Variants in TENM3 observed in about 807,000 individuals in gnomAD.
The protein encoded by TENM3 is teneurin-3.
Under a neutral mutation model 255.1 loss-of-function variants are expected in TENM3, and 63 were observed. The observed-to-expected ratio is 0.25, with a 90% CI of 0.20 to 0.30. TENM3 has a LOEUF of 0.30. Ranked by LOEUF, TENM3 falls within the 10% of genes least tolerant of loss-of-function variation. The pLI is 1.00. For synonymous variants in TENM3, 1,306 were observed against 1,322.3 expected (o/e 0.99, Z 0.27); for missense variants, 2,929 against 3,461.1 (o/e 0.85, Z 3.86).
At chr4:182,645,257 T>A (rs1334349465) in intron 5 of TENM3, among the ~76,000 whole-genome samples, 1 of 152,036 alleles carries the variant, frequency 6.6e-6, no homozygotes, top group Admixed American at 6.5e-5. Context: ...GATTTCTAGG[T>A]AGGTCTAGTA....
Position 182,802,126 on chromosome 4 carries a change from CAG to C in TENM3, c.*1777_*1778del, listed in dbSNP as rs780840199. 1.3e-5 allele frequency: 2 copies of C among 152,622 alleles called. No homozygotes were observed. Among genetic ancestry groups the C allele is most frequent in the Non-Finnish European group, 2.9e-5 (2 of 68,040 alleles). The allele number at this position is 152,622 out of a possible 1,614,324, so 9.5% of individuals were successfully genotyped here. The stretch of plus-strand genomic sequence containing the variant: ...TTGCACAGTAGGCGTGTTTATTAAA[CAG>C]ATGATTGGCTGGGAAAGTTTCAAAA... On this transcript the variant is annotated 3_prime_UTR_variant, in exon 28 of 28. Coordinates refer to ENST00000511685, the MANE Select transcript of TENM3 (RefSeq NM_001080477.4).
chr4:181,710,559 C>T, the TENM3 span, among the ~76,000 whole-genome samples: 6 of 151,868 alleles, frequency 4.0e-5, no homozygotes, highest in African/African-American at 7.3e-5. Context: ...CTACTAAAAA[C>T]GCAAAAATTA....
chr4:182,662,753 A>G (rs1415436122), intron 6 of TENM3, among the ~76,000 whole-genome samples: 2 of 152,204 alleles, frequency 1.3e-5, no homozygotes, highest in Admixed American at 6.5e-5. Flanking sequence ...TGAGCTTCAG[A>G]GGAAAAAGTT....
At chr4:182,724,655 G>C (rs1760023297) in intron 13 of TENM3, among the ~76,000 whole-genome samples, 1 of 152,166 alleles carries the variant, frequency 6.6e-6, no homozygotes, top group Admixed American at 6.5e-5. Flanking sequence ...TAACAAAGAT[G>C]AATGACTAAA....
At chr4:182,478,255 A>T (rs1252846499) in intron 3 of TENM3, among the ~76,000 whole-genome samples, 2 of 152,110 alleles carry the variant, frequency 1.3e-5, no homozygotes, top group Admixed American at 1.3e-4. Context: ...CAGTCCAGTA[A>T]AATTAAAGAA....
the TENM3 span, among the ~76,000 whole-genome samples, chr4:181,915,557 T>A: frequency 6.6e-6 from 1 of 151,810 alleles, no homozygotes; most frequent in Non-Finnish European, 1.5e-5. Flanking sequence ...TTGATCTGAA[T>A]CTAATGATAT....
the TENM3 span, among the ~76,000 whole-genome samples, chr4:181,690,002 T>C: frequency 2.6e-5 from 4 of 152,134 alleles, no homozygotes; most frequent in African/African-American, 7.2e-5. Flanking sequence ...GCGGTTTCAA[T>C]TGATTTCAGG....
At chr4:182,455,628 C>A (rs1176408990) in intron 3 of TENM3, among the ~76,000 whole-genome samples, 1 of 139,818 alleles carries the variant, frequency 7.2e-6, no homozygotes, top group East Asian at 2.1e-4. Context: ...GTGGCATGAT[C>A]TCGCCTCACT....
At chr4:181,485,252 A>G in the TENM3 span, among the ~76,000 whole-genome samples, 1 of 152,172 alleles carries the variant, frequency 6.6e-6, no homozygotes, top group African/African-American at 2.4e-5. Flanking sequence ...TAAGAATTCA[A>G]TAAAGCATTA....
At chr4:181,773,230 A>G in the TENM3 span, among the ~76,000 whole-genome samples, 1 of 152,106 alleles carries the variant, frequency 6.6e-6, no homozygotes, top group Non-Finnish European at 1.5e-5. Context: ...TTGCTTCAGT[A>G]TCAGATAGAC....
the TENM3 span, among the ~76,000 whole-genome samples, chr4:181,963,698 A>G: frequency 2.6e-5 from 4 of 152,208 alleles, no homozygotes; most frequent in Non-Finnish European, 5.9e-5. Flanking sequence ...CCAAGTCTCC[A>G]TCTTCAAAAG....
chr4:181,689,432 T>C, the TENM3 span, among the ~76,000 whole-genome samples: 2 of 152,174 alleles, frequency 1.3e-5, no homozygotes, highest in Non-Finnish European at 2.9e-5. Context: ...TCCCTGCTGG[T>C]CTTCAGGTCA....
At position 182,161,791 on chromosome 4, in the gene TENM3, A is replaced by ATT. The variant is rs1561153404; in HGVS notation, c.-76+17038_-76+17039insTT. Among the ~76,000 whole-genome samples the ATT allele has an allele frequency of 3.5e-4, 12 of 34,288 alleles. 4 individuals carry two copies. The highest frequency in any genetic ancestry group is 1.8e-3 in the African/African-American group (12 of 6,540). The allele number at this position is 34,288 out of a possible 152,430, so 22.5% of individuals were successfully genotyped here. A position where few individuals can be genotyped will look rare whatever the true frequency, so the allele number is the denominator to read the frequency against. ...TGTGTATATATATATACACAAATATATGTATATATATACACATATATATGT... is the reference window on the plus strand; with the variant it reads ...TGTGTATATATATATACACAAATATATTTGTATATATATACACATATATATGT... On this transcript the variant is annotated intron_variant, in intron 1 of 2. Transcript: ENST00000512480.
chr4:182,228,386 GTGTGTGTATA>G (rs1756336349), intron 1 of TENM3, among the ~76,000 whole-genome samples: 1 of 139,828 alleles, frequency 7.2e-6, no homozygotes, highest in South Asian at 2.4e-4. Flanking sequence ...GTGTGTGTGT[GTGTGTGTATA>G]TGTAATCCCT....
At chr4:182,220,249 A>G (rs1579780242) in intron 1 of TENM3, among the ~76,000 whole-genome samples, 1 of 151,714 alleles carries the variant, frequency 6.6e-6, no homozygotes, top group African/African-American at 2.4e-5. Context: ...TGGTGGCGGG[A>G]GCCTGTAATC....
chr4:181,572,566 T>C, the TENM3 span, among the ~76,000 whole-genome samples: 41 of 152,196 alleles, frequency 2.7e-4, no homozygotes, highest in African/African-American at 9.9e-4. Flanking sequence ...TTTTTGTCAA[T>C]GAGTACATTC....
chr4:182,521,487 T>G (rs779779815), intron 3 of TENM3, among the ~76,000 whole-genome samples: 1 of 152,216 alleles, frequency 6.6e-6, no homozygotes, highest in Admixed American at 6.5e-5. Flanking sequence ...AATTAAGAGA[T>G]AACTGTCTCC....
chr4:182,387,469 T>A (rs1561393919), intron 3 of TENM3, among the ~76,000 whole-genome samples: 1 of 152,158 alleles, frequency 6.6e-6, no homozygotes, highest in Non-Finnish European at 1.5e-5. Flanking sequence ...ATCAGCAGGA[T>A]GTGGGTGGGG....
chr4:182,711,734 G>A (rs1418099132), intron 12 of TENM3: 1 of 211,956 alleles, frequency 4.7e-6, no homozygotes, highest in Non-Finnish European at 8.1e-6. Flanking sequence ...TATGTAAAAT[G>A]CCTTGGATTT....
Sources: gnomAD v4.1 joint callset for allele counts (sites outside exome capture counted in the v4.1 genomes callset) on GRCh38, gnomAD v4.1.1 for gene constraint, MANE v1.5 for transcripts, NCBI Gene and HGNC (gene_info 2026-07-23, HGNC 2026-07-21) for gene names.